COL4A4: variants seen among roughly 807,000 people sequenced by gnomAD.
COL4A4 encodes collagen alpha-4(IV) chain.
Under a neutral mutation model 192.9 loss-of-function variants are expected in COL4A4, and 105 were observed. The observed-to-expected ratio is 0.54, with a 90% confidence interval of 0.46 to 0.64. COL4A4 has a LOEUF of 0.64. COL4A4 is among the 30% of genes least tolerant of loss of function. The pLI is 0.00. For synonymous variants in COL4A4, 762 were observed against 769.9 expected, an observed-to-expected ratio of 0.99 and a Z score of 0.17; for missense variants, 1,967 against 2,169.3, an observed-to-expected ratio of 0.91 and a Z score of 1.85.
intron 37 of COL4A4, 126 bp downstream of exon 37, chr2:227,042,022 T>C (rs1364928985): frequency 2.6e-6 from 2 of 756,436 alleles, no homozygotes; most frequent in African/African-American, 1.7e-5. Flanking sequence ...AAGATGCTAA[T>C]GGCACCTACG....
Position 227,059,494 on chromosome 2 carries a change from C to A in COL4A4, c.2294G>T (p.Gly765Val), listed in dbSNP as rs747881404. 30 of 1,614,042 alleles carry A rather than the reference C, an allele frequency of 1.9e-5. No homozygotes were observed. Among genetic ancestry groups the A allele is most frequent in the Non-Finnish European group, 2.3e-5 (27 of 1,180,030 alleles). Residue 765 changes from glycine to valine, a missense_variant, in exon 28 of 48, where the codon GGT becomes GTT. By Grantham distance (109) the Gly-to-Val change is moderately radical (BLOSUM62 -3). Coordinates refer to ENST00000396625, the MANE Select transcript of COL4A4 (RefSeq NM_000092.5). ...QKGIPGDPAF[G>V]HLGPPGKRGL... ...CCTCTTTCCCGGGGGTCCCAGGTGA[C>A]CAAATGCAGGGTCTCCCGGGATTCC...
At chr2:226,980,412 G>A in the COL4A4 span, among the ~76,000 whole-genome samples, 2 of 152,182 alleles carry the variant, frequency 1.3e-5, no homozygotes, top group East Asian at 3.9e-4. Context: ...ATGCCTGGAA[G>A]AGAAAACGGG....
chr2:226,988,380 T>G, the COL4A4 span: 14 of 1,550,200 alleles, frequency 9.0e-6, no homozygotes, highest in Admixed American at 2.2e-4. Flanking sequence ...GACCCCAAGA[T>G]AAAGGTCAGA....
chr2:227,098,587 C>T (rs1361723835), intron 19 of COL4A4, 107 bp downstream of exon 19: 2 of 853,282 alleles, frequency 2.3e-6, no homozygotes, highest in Middle Eastern at 2.2e-4. Context: ...TTATTTTACA[C>T]AATCCTAAGG....
chr2:227,124,674 G>A (rs1248806369), intron 4 of COL4A4, among the ~76,000 whole-genome samples: 1 of 152,150 alleles, frequency 6.6e-6, no homozygotes, highest in African/African-American at 2.4e-5. Context: ...GGGGTATTGT[G>A]AGGGTTTATC....
At position 227,007,081 on chromosome 2, in the gene COL4A4, G is replaced by T. The variant is rs56196639; in HGVS notation, c.*244C>A. 457 of 598,654 alleles carry T rather than the reference G, an allele frequency of 7.6e-4. 1 individual carries two copies. Among genetic ancestry groups the T allele is most frequent in the African/African-American group, 6.7e-3 (364 of 54,626 alleles). 37.1% of individuals were successfully genotyped at this position (598,654 alleles called of 1,614,324 possible). On this transcript the variant is annotated 3_prime_UTR_variant, in exon 48 of 48. Coordinates refer to ENST00000396625, the MANE Select transcript of COL4A4 (RefSeq NM_000092.5). ...TATTTTTAAGTAAAGCCAGTTCTTCGATCATCCTCAGTAAAATAAGAGTAT... is the reference window on the plus strand; with the variant it reads ...TATTTTTAAGTAAAGCCAGTTCTTCTATCATCCTCAGTAAAATAAGAGTAT...
At chr2:227,079,502 A>G (rs1355785319) in intron 24 of COL4A4, among the ~76,000 whole-genome samples, 2 of 152,174 alleles carry the variant, frequency 1.3e-5, no homozygotes, top group African/African-American at 4.8e-5. Context: ...ATCTAAGCCA[A>G]TTTCCAGGCT....
chr2:227,081,033 G>A (rs1255838134), intron 23 of COL4A4, among the ~76,000 whole-genome samples: 1 of 152,202 alleles, frequency 6.6e-6, no homozygotes, highest in African/African-American at 2.4e-5. Context: ...ATGGTACAAT[G>A]TGAGATGAAA....
intron 1 of COL4A4, among the ~76,000 whole-genome samples, chr2:227,163,487 T>C (rs1463614442): frequency 6.6e-6 from 1 of 152,262 alleles, no homozygotes; most frequent in African/African-American, 2.4e-5. Flanking sequence ...AATTGTATTT[T>C]ATGCATTTCA....
intron 12 of COL4A4, among the ~76,000 whole-genome samples, chr2:227,104,638 CTTTT>C (rs373008018): frequency 1.8e-5 from 2 of 110,338 alleles, no homozygotes; most frequent in Non-Finnish European, 3.5e-5. Flanking sequence ...TCTATTAAAA[CTTTT>C]TTTTTTTTTT....
intron 25 of COL4A4, among the ~76,000 whole-genome samples, chr2:227,073,223 T>A (rs1336651148): frequency 3.3e-5 from 5 of 152,004 alleles, no homozygotes; most frequent in Non-Finnish European, 4.4e-5. Context: ...TCATTGTACA[T>A]AAATCAGTAG....
chr2:227,058,213 A>G (rs1391327798), intron 28 of COL4A4, among the ~76,000 whole-genome samples: 2 of 152,184 alleles, frequency 1.3e-5, no homozygotes, highest in Non-Finnish European at 2.9e-5. Flanking sequence ...GTCTTTACAA[A>G]TATGATTTAA....
chr2:227,137,837 C>A (rs1452837165), intron 4 of COL4A4, among the ~76,000 whole-genome samples: 2 of 152,114 alleles, frequency 1.3e-5, no homozygotes, highest in Non-Finnish European at 2.9e-5. Flanking sequence ...AATTTAGAGG[C>A]ACTGAGGTTT....
intron 36 of COL4A4, among the ~76,000 whole-genome samples, chr2:227,042,484 T>C (rs576896395): frequency 6.6e-6 from 1 of 152,334 alleles, no homozygotes; most frequent in South Asian, 2.1e-4. Flanking sequence ...TCTCTTTTTT[T>C]CTGAATTGGC....
chr2:226,969,414 T>TA, the COL4A4 span, among the ~76,000 whole-genome samples: 1 of 150,654 alleles, frequency 6.6e-6, no homozygotes, highest in African/African-American at 2.5e-5. Flanking sequence ...TTTTTTTTTT[T>TA]AAGGAAGTAG....
At chr2:227,066,646 C>T (rs2058357834) in intron 25 of COL4A4, among the ~76,000 whole-genome samples, 1 of 149,554 alleles carries the variant, frequency 6.7e-6, no homozygotes, top group African/African-American at 2.4e-5. Context: ...AAATAAAATA[C>T]TTTACAGACA....
chr2:227,092,188 T>C (rs1003238540), intron 20 of COL4A4, among the ~76,000 whole-genome samples: 1 of 152,052 alleles, frequency 6.6e-6, no homozygotes, highest in African/African-American at 2.4e-5. Flanking sequence ...CAATAGAAAA[T>C]GCCATCAAAA....
intron 2 of COL4A4, among the ~76,000 whole-genome samples, chr2:227,147,086 T>C (rs565779853): frequency 5.3e-5 from 8 of 152,326 alleles, no homozygotes. Context: ...TGTGAAGTAG[T>C]CTGTCCTAAC....
chr2:227,109,354 G>T (rs373087516), intron 9 of COL4A4, 68 bp from the exon 10 acceptor site: 2 of 1,264,780 alleles, frequency 1.6e-6, no homozygotes, highest in African/African-American at 1.5e-5. Flanking sequence ...AAAGAGTTGC[G>T]TGTGATCCCA....
Sources: allele counts gnomAD v4.1 joint callset (sites outside exome capture counted in the v4.1 genomes callset), GRCh38; gene constraint gnomAD v4.1.1; transcripts MANE v1.5; gene names NCBI Gene and HGNC (gene_info 2026-07-23, HGNC 2026-07-21).